CLCN1: variants seen among roughly 807,000 people sequenced by gnomAD.
CLCN1 encodes chloride voltage-gated channel 1.
Under a neutral mutation model 114.5 loss-of-function variants are expected in CLCN1, and 100 were observed. The ratio of observed to expected loss-of-function variants is 0.87; its 90% CI spans 0.74 to 1.03. The LOEUF is 1.03. Among genes scored for constraint, CLCN1 ranks in the 50% least tolerant of loss-of-function variants. The pLI is 0.00. For missense variants in CLCN1, 1,188 were observed against 1,250.0 expected (o/e 0.95, Z 0.75); for synonymous variants, 485 against 487.1 (o/e 1.00, Z 0.06).
At chr7:143,335,925 G>T (rs1802872802) in intron 12 of CLCN1, among the ~76,000 whole-genome samples, 2 of 152,068 alleles carry the variant, frequency 1.3e-5, no homozygotes, top group Admixed American at 1.3e-4. Context: ...CTCCCAAAGT[G>T]CTGGGATTAC....
rs869078445 is a variant in CLCN1, at chr7:143,337,807, CTTTTTTTTTTTTTTTTTTTT to C, written c.1402-1428_1402-1409del. Reference sequence around the variant, plus strand: ...CTTTTTTCCATTCTATTTCTCAATTCTTTTTTTTTTTTTTTTTTTTTTTTTTTTTTTTTTTTTGCGACAGA... The same window carrying C: ...CTTTTTTCCATTCTATTTCTCAATTCTTTTTTTTTTTTTTTTTGCGACAGA... On this transcript the variant is annotated intron_variant, in intron 12 of 22. Transcript: ENST00000343257. 2.0e-4 allele frequency among the ~76,000 whole-genome samples: 9 copies of C among 46,076 alleles called. No individual in the cohort carries two copies. In the South Asian group the frequency reaches 6.1e-3, roughly 31 times the overall value. The allele number at this position is 46,076 out of a possible 152,430, so 30.2% of individuals were successfully genotyped here. A position where few individuals can be genotyped will look rare whatever the true frequency, so the allele number is the denominator to read the frequency against.
At chr7:143,331,057 T>C (rs1226388213) in intron 8 of CLCN1, among the ~76,000 whole-genome samples, 160 bp downstream of exon 8, 2 of 152,052 alleles carry the variant, frequency 1.3e-5, no homozygotes, top group Non-Finnish European at 2.9e-5. Flanking sequence ...ATATAGGTCA[T>C]GGAGTGGGAG....
intron 16 of CLCN1, among the ~76,000 whole-genome samples, chr7:143,344,925 A>C (rs1270729199): frequency 6.6e-6 from 1 of 151,816 alleles, no homozygotes. Context: ...TAATTTTTTT[A>C]TTTTTGGTAG....
At chr7:143,347,020 C>T in intron 20 of CLCN1, 71 bp downstream of exon 20, 1 of 1,299,792 alleles carries the variant, frequency 7.7e-7, no homozygotes, top group Non-Finnish European at 1.1e-6. Context: ...TTGTTTCTAC[C>T]TTCTTTATTG....
At position 143,342,048 on chromosome 7, in the gene CLCN1, A is replaced by G. The variant is rs1376901913; in HGVS notation, c.1702A>G (p.Met568Val). ...PMMVAVILANMVAQSLQPSLY... is the reference protein window; with the variant it reads ...PMMVAVILANVVAQSLQPSLY... ...GATGGTGGCTGTTATCTTGGCCAAC[A>G]TGGTGGCCCAGAGCCTGCAGCCCTC... The change falls in exon 15 of 23, where the codon ATG (methionine) becomes GTG (valine). Residue 568 changes from methionine (M) to valine (V), a missense_variant. By Grantham distance (21) the Met-to-Val change is conservative. Coordinates refer to ENST00000343257, the MANE Select transcript of CLCN1 (RefSeq NM_000083.3). 3.7e-6 allele frequency: 6 copies of G among 1,614,048 alleles called. No homozygotes were observed. In the African/African-American group the frequency reaches 6.7e-5, roughly 18 times the overall value.
intron 5 of CLCN1, 64 bp from the exon 6 acceptor site, chr7:143,323,245 C>T (rs1437345048): frequency 1.5e-5 from 13 of 863,832 alleles, no homozygotes; most frequent in Admixed American, 3.4e-5. Context: ...ATTATTAGTC[C>T]AGTGAGTGCT....
chr7:143,331,657 G>C lies in CLCN1; in HGVS notation c.1166+5G>C. 3 of 1,589,534 alleles carry C rather than the reference G, an allele frequency of 1.9e-6. No individual in the cohort carries two copies. The highest frequency in any genetic ancestry group is 2.6e-6 in the Non-Finnish European group (3 of 1,157,630). On this transcript the variant is annotated splice_donor_5th_base_variant and intron_variant, in intron 10 of 22. Coordinates refer to ENST00000343257, the MANE Select transcript of CLCN1 (RefSeq NM_000083.3). ...CAGCCAGTTTCTTGCTAAGCAGTGA[G>C]TCACTGCCCTTCTTTTGCCCTACCC... is the stretch of plus-strand genomic sequence containing the variant.
At chr7:143,341,356 C>T (rs886311405) in intron 14 of CLCN1, among the ~76,000 whole-genome samples, 6 of 151,968 alleles carry the variant, frequency 3.9e-5, no homozygotes, top group Non-Finnish European at 8.8e-5. Flanking sequence ...GCCAGGAATT[C>T]GAGACCAGCC....
chr7:143,320,278 C>T (rs1290690254), intron 2 of CLCN1, among the ~76,000 whole-genome samples: 3 of 152,204 alleles, frequency 2.0e-5, no homozygotes, highest in South Asian at 4.1e-4. Flanking sequence ...CTTGGCCCCT[C>T]TAAGTATTAA....
rs1172402092 is a variant in CLCN1 at position 143,339,671 on chromosome 7, C to A, written c.1582+50C>A. On this transcript the variant is annotated intron_variant, in intron 14 of 22. Coordinates refer to ENST00000343257, the MANE Select transcript of CLCN1 (RefSeq NM_000083.3). This position sits in a 1 kb window ranked among gnomAD's most constrained non-coding sequence, Gnocchi z 4.1. Reference sequence around the variant, plus strand: ...TAATCAAACATTGAGTACTTCAGATCCCCACACTTAAACTCTCCCATTGGA... The same window carrying A: ...TAATCAAACATTGAGTACTTCAGATACCCACACTTAAACTCTCCCATTGGA... 1.8e-5 allele frequency: 20 copies of A among 1,121,814 alleles called. No individual in the cohort carries two copies. Among genetic ancestry groups the A allele is most frequent in the Non-Finnish European group, 2.7e-5 (20 of 731,412 alleles). 69.5% of individuals were successfully genotyped at this position (1,121,814 alleles called of 1,614,324 possible).
At chr7:143,327,849 T>A (rs369611708) in intron 7 of CLCN1, among the ~76,000 whole-genome samples, 2 of 152,074 alleles carry the variant, frequency 1.3e-5, no homozygotes, top group African/African-American at 4.8e-5. Flanking sequence ...GAAGTGAGGT[T>A]TTTCCATGTT....
At chr7:143,319,969 C>A in intron 2 of CLCN1, 94 bp downstream of exon 2, 2 of 1,324,698 alleles carry the variant, frequency 1.5e-6, no homozygotes, top group South Asian at 1.2e-5. Flanking sequence ...TACGTACTCC[C>A]TGCCCTGCTA....
chr7:143,329,226 A>G (rs1294345263), intron 7 of CLCN1, among the ~76,000 whole-genome samples: 1 of 152,170 alleles, frequency 6.6e-6, no homozygotes, highest in Non-Finnish European at 1.5e-5. Context: ...TCGGCCTCCC[A>G]AAGTGCTGGG....
Sources: allele counts gnomAD v4.1 joint callset (sites outside exome capture counted in the v4.1 genomes callset), GRCh38; gene constraint gnomAD v4.1.1; non-coding constraint Gnocchi (gnomAD v3.1); transcripts MANE v1.5; gene names NCBI Gene and HGNC (gene_info 2026-07-23, HGNC 2026-07-21).